The following KCNIP1 variants were observed in gnomAD, a reference collection of about 807,000 sequenced individuals.
The protein encoded by KCNIP1 is A-type potassium channel modulatory protein KCNIP1.
A neutral mutation model predicts 33.0 loss-of-function variants in KCNIP1; 18 were observed. The observed-to-expected ratio is 0.55, with a 90% CI of 0.38 to 0.81. The LOEUF (loss-of-function observed/expected upper bound fraction) is 0.81, where lower values mean the gene tolerates loss of function less well. Ranked by LOEUF, KCNIP1 falls within the 30% of genes least tolerant of loss-of-function variation. The pLI is 0.00. For synonymous variants in KCNIP1, 93 were observed against 98.3 expected, an observed-to-expected ratio of 0.95 and a Z score of 0.32; for missense variants, 238 against 271.6, an observed-to-expected ratio of 0.88 and a Z score of 0.87.
Position 170,514,097 on chromosome 5 carries a change from A to C in KCNIP1, c.61+9464A>C, listed in dbSNP as rs1028592064. Among the ~76,000 whole-genome samples the C allele has an allele frequency of 7.9e-5, 12 of 152,260 alleles. 1 individual carries two copies. Among genetic ancestry groups the C allele is most frequent in the African/African-American group, 2.9e-4 (12 of 41,556 alleles). On this transcript the variant is annotated intron_variant, in intron 1 of 7. Transcript: ENST00000328939. ...GCTGGAGGGCATATCCAGGACAAGC[A>C]AGCCTCTGAGCCCCAGGAAGAGGCT... is the stretch of plus-strand genomic sequence containing the variant.
chr5:170,718,590 A>T (rs144085179), intron 1 of KCNIP1, among the ~76,000 whole-genome samples, 168 bp from the exon 2 acceptor site: 66 of 152,300 alleles, frequency 4.3e-4, no homozygotes, highest in Non-Finnish European at 7.4e-4. Flanking sequence ...GCAGAGGCTG[A>T]CAGGGCAGGG....
chr5:170,581,949 G>T (rs532502709), intron 1 of KCNIP1, among the ~76,000 whole-genome samples: 88 of 152,218 alleles, frequency 5.8e-4, no homozygotes, highest in Non-Finnish European at 9.6e-4. Context: ...GGAAGCAAGG[G>T]AGAGGGGGAG....
intron 1 of KCNIP1, among the ~76,000 whole-genome samples, chr5:170,605,898 C>T (rs1758895666): frequency 6.6e-6 from 1 of 151,940 alleles, no homozygotes; most frequent in Non-Finnish European, 1.5e-5. Context: ...CCTCAGCCTC[C>T]CATGTAGCTG....
At chr5:170,601,157 G>A (rs532500712) in intron 1 of KCNIP1, among the ~76,000 whole-genome samples, 9 of 152,340 alleles carry the variant, frequency 5.9e-5, no homozygotes, top group South Asian at 2.1e-4. Flanking sequence ...TGCAGTTTGC[G>A]CGCTAAGGCT....
At chr5:170,460,316 G>A (rs1756477642) in intron 1 of KCNIP1, among the ~76,000 whole-genome samples, 3 of 152,050 alleles carry the variant, frequency 2.0e-5, no homozygotes, top group Admixed American at 2.0e-4. Flanking sequence ...GAGAAAGAAG[G>A]AAACCTCCCT....
intron 1 of KCNIP1, among the ~76,000 whole-genome samples, chr5:170,540,045 A>G (rs1381750022): frequency 3.3e-5 from 5 of 151,980 alleles, no homozygotes; most frequent in African/African-American, 1.2e-4. Context: ...CAGCGGCTCC[A>G]CTTGCCTGCT....
At chr5:170,478,558 G>A (rs1007890314) in intron 1 of KCNIP1, among the ~76,000 whole-genome samples, 1 of 152,062 alleles carries the variant, frequency 6.6e-6, no homozygotes, top group Non-Finnish European at 1.5e-5. Flanking sequence ...GCCTGTGTCC[G>A]AAGGCTTACT....
intron 1 of KCNIP1, among the ~76,000 whole-genome samples, chr5:170,454,244 C>T (rs1466035203): frequency 6.6e-6 from 1 of 152,210 alleles, no homozygotes; most frequent in Non-Finnish European, 1.5e-5. Flanking sequence ...TTAAAATCCT[C>T]AAGAAGTGCA....
intron 1 of KCNIP1, among the ~76,000 whole-genome samples, chr5:170,365,674 G>A (rs572338223): frequency 4.5e-4 from 68 of 152,314 alleles, no homozygotes; most frequent in Non-Finnish European, 8.7e-4. Context: ...TTCCCCTCCA[G>A]CCCTTGAGGA....
chr5:170,716,078 C>G (rs187378635), intron 1 of KCNIP1, among the ~76,000 whole-genome samples: 1 of 152,322 alleles, frequency 6.6e-6, no homozygotes, highest in African/African-American at 2.4e-5. Flanking sequence ...CGGCCAGCAC[C>G]ACAAGGCATA....
chr5:170,570,732 G>A (rs958706012), intron 1 of KCNIP1, among the ~76,000 whole-genome samples: 10 of 152,256 alleles, frequency 6.6e-5, no homozygotes, highest in African/African-American at 2.4e-4. Flanking sequence ...CACTGACTGG[G>A]GAGGGCTCCT....
At chr5:170,617,094 C>G (rs1759406042) in intron 1 of KCNIP1, among the ~76,000 whole-genome samples, 1 of 151,538 alleles carries the variant, frequency 6.6e-6, no homozygotes, top group Non-Finnish European at 1.5e-5. Flanking sequence ...AATCTGGTAC[C>G]TAGTGAATGT....
In KCNIP1 at chr5:170,581,006, C is replaced by T. The variant is rs139211809; in HGVS notation, c.61+76373C>T. 2.2e-3 allele frequency among the ~76,000 whole-genome samples: 336 copies of T among 152,230 alleles called. 1 individual carries two copies. The Middle Eastern group carries it at 0.024, about 11-fold the overall frequency. On this transcript the variant is annotated intron_variant, in intron 1 of 7. Coordinates refer to ENST00000328939, the MANE Select transcript of KCNIP1 (RefSeq NM_014592.4). The stretch of plus-strand genomic sequence containing the variant: ...AATAACCACTGAGGCACTTCTGACC[C>T]CAAGTATAAGAGATTCTATTGTAAC...
At chr5:170,513,403 A>G (rs1206989386) in intron 1 of KCNIP1, among the ~76,000 whole-genome samples, 1 of 152,110 alleles carries the variant, frequency 6.6e-6, no homozygotes, top group Non-Finnish European at 1.5e-5. Context: ...GCATTTCTGC[A>G]ATCAAGCTTG....
chr5:170,684,616 G>T (rs1423587052), intron 1 of KCNIP1, among the ~76,000 whole-genome samples: 1 of 152,168 alleles, frequency 6.6e-6, no homozygotes, highest in Non-Finnish European at 1.5e-5. Context: ...GAATGTAAAG[G>T]CTTAGGTCAA....
intron 1 of KCNIP1, among the ~76,000 whole-genome samples, chr5:170,521,535 A>G (rs1253874650): frequency 1.3e-5 from 2 of 152,212 alleles, no homozygotes; most frequent in African/African-American, 2.4e-5. Flanking sequence ...TCCCATTTGC[A>G]ATGTCATGTC....
At chr5:170,625,485 T>G (rs1449104982) in intron 1 of KCNIP1, among the ~76,000 whole-genome samples, 2 of 152,176 alleles carry the variant, frequency 1.3e-5, no homozygotes, top group African/African-American at 2.4e-5. Context: ...GGCTGTGACC[T>G]GCGGGGGCGC....
intron 1 of KCNIP1, among the ~76,000 whole-genome samples, chr5:170,360,298 C>T (rs6889346): frequency 0.015 from 2,347 of 152,306 alleles, 52 homozygotes; most frequent in African/African-American, 0.052. Flanking sequence ...GGATGCAGGG[C>T]GGGAAAACTC....
At chr5:170,411,101 G>A (rs1755175727) in intron 1 of KCNIP1, among the ~76,000 whole-genome samples, 1 of 152,238 alleles carries the variant, frequency 6.6e-6, no homozygotes, top group East Asian at 1.9e-4. Context: ...GCTCTATGTT[G>A]CCCTCAAGGA....
Sources: allele counts gnomAD v4.1 joint callset (sites outside exome capture counted in the v4.1 genomes callset), GRCh38; gene constraint gnomAD v4.1.1; transcripts MANE v1.5; gene names NCBI Gene and HGNC (gene_info 2026-07-23, HGNC 2026-07-21).